WHRN: variants seen among roughly 807,000 people sequenced by gnomAD.
WHRN encodes whirlin, also known as CASK-interacting protein CIP98.
Under a neutral mutation model 68.3 loss-of-function variants are expected in WHRN, and 41 were observed. The ratio of observed to expected loss-of-function variants is 0.60; its 90% CI spans 0.47 to 0.78. The LOEUF (loss-of-function observed/expected upper bound fraction) is 0.78, where lower values mean the gene tolerates loss of function less well. Among genes scored for constraint, WHRN ranks in the 30% least tolerant of loss-of-function variants. WHRN has a pLI of 0.00. For missense variants in WHRN, 1,243 were observed against 1,244.7 expected (o/e 1.00, Z 0.02); for synonymous variants, 560 against 561.3 (o/e 1.00, Z 0.03).
At chr9:114,437,690 A>G (rs560044846) in intron 3 of WHRN, among the ~76,000 whole-genome samples, 31 of 152,366 alleles carry the variant, frequency 2.0e-4, no homozygotes, top group African/African-American at 7.5e-4. Flanking sequence ...AGCCATGAAG[A>G]TAGCCCCTAT....
In WHRN at chr9:114,408,003, C is replaced by A. The variant is rs762696366; in HGVS notation, c.1642G>T (p.Glu548Ter). 1.2e-6 allele frequency: 2 copies of A among 1,602,438 alleles called. No individual in the cohort carries two copies. The highest frequency in any genetic ancestry group is 2.2e-5 in the East Asian group (1 of 44,494). Residue 548 changes from glutamate to a stop codon, truncating the protein, a stop_gained, in exon 8 of 12, where the codon GAG (glutamate) becomes TAG (stop). Transcript: ENST00000362057. LOFTEE classifies it high-confidence loss of function. ...CCCTGGACAGCCTCGCCAGTTTCCT[C>A]CAGGTCCAGAGTGTTCTAGAAATGG... ...VSSARNTLDL[E>*]ETGEAVQGNI...
At chr9:114,480,715 A>C (rs1280847135) in intron 1 of WHRN, among the ~76,000 whole-genome samples, 1 of 152,194 alleles carries the variant, frequency 6.6e-6, no homozygotes, top group Non-Finnish European at 1.5e-5. Context: ...ACACACACTG[A>C]AATTTTATGC....
At chr9:114,410,061 C>G (rs187564928) in intron 7 of WHRN, among the ~76,000 whole-genome samples, 1 of 152,126 alleles carries the variant, frequency 6.6e-6, no homozygotes, top group Non-Finnish European at 1.5e-5. Flanking sequence ...TTGCACCTGC[C>G]GCTCTCACTC....
chr9:114,459,234 G>A (rs1459541340), intron 3 of WHRN, among the ~76,000 whole-genome samples: 1 of 152,054 alleles, frequency 6.6e-6, no homozygotes, highest in East Asian at 1.9e-4. Flanking sequence ...AAGGCGGGCG[G>A]ATCACTTGAG....
In WHRN at chr9:114,446,919, C is replaced by T. The variant is rs35171954; in HGVS notation, c.963+19348G>A. Among the ~76,000 whole-genome samples the T allele has an allele frequency of 4.9e-3, 738 of 151,744 alleles. 3 individuals carry two copies. The highest frequency in any genetic ancestry group is 7.9e-3 in the Non-Finnish European group (538 of 67,920). The stretch of plus-strand genomic sequence containing the variant: ...CCCTTCCCCCTCCCTCCCCAACTCT[C>T]CTCTCTGTCAGCCCCTCAGTCCCTC... On this transcript the variant is annotated intron_variant, in intron 3 of 11. Transcript: ENST00000362057.
rs182525547 is a variant in WHRN, at chr9:114,402,430, G to A, written c.*324C>T. ...GGGATGGGCTGGGTCCTAGCTGGAG[G>A]GGGGACAGCAGTGCCCCCAACCCAA... On this transcript the variant is annotated 3_prime_UTR_variant, in exon 12 of 12. Transcript: ENST00000362057. 2.5e-5 allele frequency: 10 copies of A among 400,140 alleles called. No individual in the cohort carries two copies. The highest frequency in any genetic ancestry group is 1.9e-4 in the South Asian group (8 of 41,720). 24.8% of individuals were successfully genotyped at this position (400,140 alleles called of 1,614,324 possible).
At position 114,445,322 on chromosome 9, in the gene WHRN, G is replaced by A. The variant is rs530558504; in HGVS notation, c.964-18909C>T. Among the ~76,000 whole-genome samples, 8 of 152,258 alleles carry A rather than the reference G, an allele frequency of 5.3e-5. No individual in the cohort carries two copies. The South Asian group carries it at 1.0e-3, about 20-fold the overall frequency. On this transcript the variant is annotated intron_variant, in intron 3 of 11. Coordinates refer to ENST00000362057, the MANE Select transcript of WHRN (RefSeq NM_015404.4). ...CACCCAAAGTTCTGGGATTACAGGC[G>A]TAAGCCACCACACCTGGGCTCTAAT...
chr9:114,495,996 T>C (rs965039112), intron 1 of WHRN, among the ~76,000 whole-genome samples: 1 of 152,224 alleles, frequency 6.6e-6, no homozygotes, highest in Admixed American at 6.5e-5. Flanking sequence ...AGAAACCTCT[T>C]AATGAGACTT....
chr9:114,438,833 A>C (rs1838116741), intron 3 of WHRN, among the ~76,000 whole-genome samples: 1 of 152,194 alleles, frequency 6.6e-6, no homozygotes, highest in African/African-American at 2.4e-5. Flanking sequence ...TTACTCACTG[A>C]AGCACTGTTT....
At chr9:114,463,499 G>T (rs1208198839) in intron 3 of WHRN, among the ~76,000 whole-genome samples, 2 of 152,082 alleles carry the variant, frequency 1.3e-5, no homozygotes, top group Non-Finnish European at 2.9e-5. Context: ...CTGGATCCTG[G>T]AACAGAAAAA....
chr9:114,478,244 C>T (rs756159039), intron 2 of WHRN: 26 of 642,420 alleles, frequency 4.0e-5, no homozygotes, highest in South Asian at 2.5e-4. Flanking sequence ...GCCAGGATCT[C>T]GTGACCGCAT....
At chr9:114,430,894 T>C (rs1589124096) in intron 3 of WHRN, among the ~76,000 whole-genome samples, 1 of 152,116 alleles carries the variant, frequency 6.6e-6, no homozygotes, top group East Asian at 1.9e-4. Flanking sequence ...GGCTTCAGGG[T>C]CTCCACAGGG....
intron 3 of WHRN, among the ~76,000 whole-genome samples, chr9:114,438,733 G>A (rs1175148567): frequency 6.6e-6 from 1 of 151,956 alleles, no homozygotes; most frequent in South Asian, 2.1e-4. Context: ...TTACAGGCAT[G>A]AGCCACCGCG....
In WHRN at chr9:114,442,157, T is replaced by C. The variant is rs201974061; in HGVS notation, c.964-15744A>G. Among the ~76,000 whole-genome samples, 18 of 152,300 alleles carry C rather than the reference T, an allele frequency of 1.2e-4. No homozygotes were observed. In the East Asian group the frequency reaches 3.3e-3, roughly 28 times the overall value. ...TAAAGGCTGAGGAACTGTTCCAAAT[T>C]AAATGAAACTAAACAATCATAAAAA... On this transcript the variant is annotated intron_variant, in intron 3 of 11. Transcript: ENST00000362057.
chr9:114,502,443 G>A (rs1167000027), intron 1 of WHRN, among the ~76,000 whole-genome samples: 1 of 152,078 alleles, frequency 6.6e-6, no homozygotes, highest in African/African-American at 2.4e-5. Flanking sequence ...AAAGGCTGGT[G>A]CTGCTCTGAG....
chr9:114,406,915 GAGA>G (rs750438715), intron 8 of WHRN, 23 bp from the exon 9 acceptor site: 56 of 1,556,084 alleles, frequency 3.6e-5, no homozygotes, highest in East Asian at 4.8e-5. Context: ...CCAACAGGCG[GAGA>G]AGGAGTCAGA....
At chr9:114,443,060 A>G (rs1434261563) in intron 3 of WHRN, among the ~76,000 whole-genome samples, 1 of 152,236 alleles carries the variant, frequency 6.6e-6, no homozygotes, top group Non-Finnish European at 1.5e-5. Flanking sequence ...AAAGAAATTG[A>G]CCTGCTCTTC....
intron 3 of WHRN, among the ~76,000 whole-genome samples, chr9:114,458,570 G>A (rs1686320687): frequency 6.6e-6 from 1 of 152,202 alleles, no homozygotes; most frequent in South Asian, 2.1e-4. Context: ...CTTGGAGAGA[G>A]CTGTTTGATG....
At chr9:114,452,466 T>C (rs1436817036) in intron 3 of WHRN, among the ~76,000 whole-genome samples, 1 of 152,238 alleles carries the variant, frequency 6.6e-6, no homozygotes, top group African/African-American at 2.4e-5. Context: ...TGTTCTTGTC[T>C]TGAAGAAGTG....
Sources: allele counts gnomAD v4.1 joint callset (sites outside exome capture counted in the v4.1 genomes callset), GRCh38; gene constraint gnomAD v4.1.1; transcripts MANE v1.5; gene names NCBI Gene and HGNC (gene_info 2026-07-23, HGNC 2026-07-21).